CNTN5: variants seen among roughly 807,000 people sequenced by gnomAD.
CNTN5 encodes contactin-5.
In CNTN5, 77 loss-of-function variants were observed where a neutral mutation model predicts 129.1. The observed-to-expected ratio is 0.60, with a 90% CI of 0.50 to 0.72. The LOEUF (loss-of-function observed/expected upper bound fraction) is 0.72, where lower values mean the gene tolerates loss of function less well. Among genes scored for constraint, CNTN5 ranks in the 30% least tolerant of loss-of-function variants. The probability of loss-of-function intolerance (pLI) is 0.00; values close to 1 mark genes in which losing one functional copy is unlikely to be tolerated. For missense variants in CNTN5, 1,478 were observed against 1,328.8 expected, an observed-to-expected ratio of 1.11 and a Z score of -1.75; for synonymous variants, 509 against 465.6, an observed-to-expected ratio of 1.09 and a Z score of -1.20.
chr11:100,134,179 A>G (rs1591297987), intron 13 of CNTN5, among the ~76,000 whole-genome samples: 1 of 152,206 alleles, frequency 6.6e-6, no homozygotes, highest in South Asian at 2.1e-4. Context: ...TAATAATTCA[A>G]TTACATTCAA....
At chr11:100,049,395 T>C (rs1942844743) in intron 9 of CNTN5, among the ~76,000 whole-genome samples, 1 of 151,942 alleles carries the variant, frequency 6.6e-6, no homozygotes, top group Admixed American at 6.6e-5. Context: ...TTAAATAAAC[T>C]AGTATAAGAC....
chr11:100,247,116 G>A (rs1364412824), intron 16 of CNTN5, among the ~76,000 whole-genome samples: 1 of 152,188 alleles, frequency 6.6e-6, no homozygotes, highest in African/African-American at 2.4e-5. Flanking sequence ...GGCAGTCAGA[G>A]AAGTCTGCTC....
chr11:99,172,993 C>T (rs975731808), intron 1 of CNTN5, among the ~76,000 whole-genome samples: 6 of 152,084 alleles, frequency 3.9e-5, no homozygotes, highest in South Asian at 2.1e-4. Context: ...GGCAAGGAGG[C>T]GCAAGTCACA....
intron 2 of CNTN5, among the ~76,000 whole-genome samples, chr11:99,541,140 T>C (rs1948093479): frequency 6.6e-6 from 1 of 152,142 alleles, no homozygotes; most frequent in Admixed American, 6.6e-5. Context: ...TGCCCTACTC[T>C]GGAAGATTTA....
intron 4 of CNTN5, among the ~76,000 whole-genome samples, chr11:99,839,757 C>G (rs1398954683): frequency 6.6e-6 from 1 of 151,900 alleles, no homozygotes; most frequent in African/African-American, 2.4e-5. Flanking sequence ...AGTTGAAACT[C>G]TTAGTAGTAG....
chr11:100,058,605 A>T (rs959996205), intron 9 of CNTN5, among the ~76,000 whole-genome samples: 1 of 152,098 alleles, frequency 6.6e-6, no homozygotes, highest in Non-Finnish European at 1.5e-5. Context: ...ACCTACACCA[A>T]CAAGCAAAAA....
intron 1 of CNTN5, among the ~76,000 whole-genome samples, chr11:99,101,081 G>A (rs1866709930): frequency 6.6e-6 from 1 of 152,134 alleles, no homozygotes; most frequent in Non-Finnish European, 1.5e-5. Flanking sequence ...AAGGCGAAAG[G>A]CACATGTTAC....
chr11:99,316,695 A>AAC (rs1238648534), intron 1 of CNTN5, among the ~76,000 whole-genome samples: 1 of 151,834 alleles, frequency 6.6e-6, no homozygotes, highest in African/African-American at 2.4e-5. Flanking sequence ...CACTTCAGTT[A>AAC]GTCTTCACTT....
intron 9 of CNTN5, among the ~76,000 whole-genome samples, chr11:100,050,453 C>T (rs1456197519): frequency 6.6e-6 from 1 of 150,906 alleles, no homozygotes; most frequent in Non-Finnish European, 1.5e-5. Flanking sequence ...GGAAGGGGAA[C>T]ATCACACTCT....
intron 1 of CNTN5, among the ~76,000 whole-genome samples, chr11:99,147,709 T>G: frequency 6.6e-6 from 1 of 152,316 alleles, no homozygotes; most frequent in East Asian, 1.9e-4. Context: ...TTATAATATT[T>G]TATTTCTCCT....
At chr11:99,541,997 A>G (rs1948132753) in intron 2 of CNTN5, among the ~76,000 whole-genome samples, 1 of 150,776 alleles carries the variant, frequency 6.6e-6, no homozygotes, top group African/African-American at 2.4e-5. Context: ...AAAGAAAGAA[A>G]TGTGGGGACA....
chr11:99,329,015 A>G (rs282496), intron 2 of CNTN5, among the ~76,000 whole-genome samples: 45,659 of 152,048 alleles, frequency 0.3, 7,268 homozygotes, highest in African/African-American at 0.42. Context: ...CTTGGACAGC[A>G]TTTATCTCTA....
At chr11:100,213,840 T>A (rs1949084383) in intron 15 of CNTN5, among the ~76,000 whole-genome samples, 1 of 152,186 alleles carries the variant, frequency 6.6e-6, no homozygotes, top group Admixed American at 6.5e-5. Context: ...TTCCTGATTG[T>A]GAAAGATAGT....
chr11:99,724,840 T>C (rs896408265), intron 3 of CNTN5, among the ~76,000 whole-genome samples: 2 of 152,174 alleles, frequency 1.3e-5, no homozygotes, highest in East Asian at 3.8e-4. Context: ...CAAAAGTAGG[T>C]TACTATACTA....
chr11:99,389,318 G>A (rs926856600), intron 2 of CNTN5, among the ~76,000 whole-genome samples: 2 of 151,866 alleles, frequency 1.3e-5, no homozygotes, highest in East Asian at 1.9e-4. Flanking sequence ...GTGAGCCACC[G>A]TGCCTGGCCT....
At chr11:99,082,305 G>A (rs768571324) in intron 1 of CNTN5, among the ~76,000 whole-genome samples, 13 of 151,740 alleles carry the variant, frequency 8.6e-5, no homozygotes, top group Non-Finnish European at 1.8e-4. Context: ...CCTGCCTCAG[G>A]CTGTGAGTAG....
chr11:100,064,935 C>T (rs2137828767), intron 10 of CNTN5, among the ~76,000 whole-genome samples: 1 of 152,124 alleles, frequency 6.6e-6, no homozygotes, highest in African/African-American at 2.4e-5. Context: ...ATTTTATGTA[C>T]ACAAAAATCT....
chr11:99,965,619 A>C (rs1357683995), intron 8 of CNTN5, among the ~76,000 whole-genome samples: 1 of 152,168 alleles, frequency 6.6e-6, no homozygotes, highest in East Asian at 1.9e-4. Context: ...TGTGGTGCTG[A>C]GAAGAATGTA....
intron 1 of CNTN5, among the ~76,000 whole-genome samples, chr11:99,264,207 G>T (rs901342429): frequency 3.3e-5 from 5 of 151,006 alleles, no homozygotes; most frequent in African/African-American, 9.7e-5. Context: ...TATACAAGAA[G>T]ATATTATTTA....
Sources: gnomAD v4.1 joint callset for allele counts (sites outside exome capture counted in the v4.1 genomes callset) on GRCh38, gnomAD v4.1.1 for gene constraint, MANE v1.5 for transcripts, NCBI Gene and HGNC (gene_info 2026-07-23, HGNC 2026-07-21) for gene names.